LSAMP: variants seen among roughly 807,000 people sequenced by gnomAD.
The protein encoded by LSAMP is limbic system associated membrane protein, also known as limbic system-associated membrane protein.
LSAMP carries 7 observed loss-of-function variants against 38.6 expected under a neutral mutation model. The ratio of observed to expected loss-of-function variants is 0.18; its 90% CI spans 0.10 to 0.34. The LOEUF is 0.34. Among genes scored for constraint, LSAMP ranks in the 10% least tolerant of loss-of-function variants. The pLI is 1.00. For missense variants in LSAMP, 313 were observed against 420.0 expected (o/e 0.75, Z 2.23); for synonymous variants, 154 against 166.8 (o/e 0.92, Z 0.59).
chr3:115,920,663 C>T (rs1937361355), intron 3 of LSAMP, among the ~76,000 whole-genome samples: 1 of 152,036 alleles, frequency 6.6e-6, no homozygotes, highest in Non-Finnish European at 1.5e-5. Flanking sequence ...AATGTGTATT[C>T]TGTTGCTGTT....
At chr3:116,307,598 C>CA (rs2047500429) in intron 1 of LSAMP, among the ~76,000 whole-genome samples, 2 of 151,656 alleles carry the variant, frequency 1.3e-5, no homozygotes, top group African/African-American at 4.8e-5. Context: ...TCCTGATACA[C>CA]AAAAATAGTC....
At chr3:115,955,579 G>A (rs750023731) in intron 3 of LSAMP, among the ~76,000 whole-genome samples, 2 of 151,918 alleles carry the variant, frequency 1.3e-5, no homozygotes, top group African/African-American at 2.4e-5. Flanking sequence ...TAGGAGACAG[G>A]TATTTAAACA....
rs552288254 is a variant in LSAMP at position 116,249,149 on chromosome 3, A to AAG, written c.156-162594_156-162593insCT. 0.017 allele frequency among the ~76,000 whole-genome samples: 262 copies of AAG among 15,442 alleles called. 8 individuals are homozygous for AAG. In the East Asian group the frequency reaches 0.32, roughly 19 times the overall value. The allele number at this position is 15,442 out of a possible 152,430, so 10.1% of individuals were successfully genotyped here. A position where few individuals can be genotyped will look rare whatever the true frequency, so the allele number is the denominator to read the frequency against. ...GGGTGACAGAGCGAGACTCTGTCTCAAAAAAAAAAAAAAGGACTAAACTTA... is the reference window on the plus strand; with the variant it reads ...GGGTGACAGAGCGAGACTCTGTCTCAAGAAAAAAAAAAAAAGGACTAAACTTA... On this transcript the variant is annotated intron_variant, in intron 1 of 6. Transcript: ENST00000490035.
intron 2 of LSAMP, among the ~76,000 whole-genome samples, chr3:116,075,379 G>A (rs1351073456): frequency 1.3e-5 from 2 of 151,242 alleles, no homozygotes; most frequent in East Asian, 2.0e-4. Flanking sequence ...CTCGTGATCC[G>A]CCCGCCTCAG....
intron 1 of LSAMP, among the ~76,000 whole-genome samples, chr3:116,138,182 A>G (rs1277127953): frequency 6.6e-6 from 1 of 152,126 alleles, no homozygotes; most frequent in African/African-American, 2.4e-5. Flanking sequence ...AATTATTCCA[A>G]CAGGGCTTGC....
At chr3:116,359,102 T>G (rs1004127906) in intron 1 of LSAMP, among the ~76,000 whole-genome samples, 4 of 152,220 alleles carry the variant, frequency 2.6e-5, no homozygotes, top group African/African-American at 9.6e-5. Context: ...TAAAATATTA[T>G]GTTTAAAATT....
intron 1 of LSAMP, among the ~76,000 whole-genome samples, chr3:116,268,788 A>C (rs191733577): frequency 2.0e-5 from 3 of 152,176 alleles, no homozygotes; most frequent in Admixed American, 1.3e-4. Flanking sequence ...TCATTTAAAA[A>C]AATATTATTA....
At chr3:116,279,628 A>G (rs1053276766) in intron 1 of LSAMP, among the ~76,000 whole-genome samples, 6 of 152,328 alleles carry the variant, frequency 3.9e-5, no homozygotes, top group Admixed American at 3.9e-4. Context: ...CTTGGTTATT[A>G]TATTTTATTG....
intron 3 of LSAMP, among the ~76,000 whole-genome samples, chr3:115,855,824 A>G (rs1007621847): frequency 1.2e-4 from 18 of 152,110 alleles, no homozygotes; most frequent in African/African-American, 4.3e-4. Context: ...CAAGCCAGAA[A>G]CTGAATTTAA....
intron 1 of LSAMP, among the ~76,000 whole-genome samples, chr3:116,153,411 A>G (rs1407547333): frequency 6.6e-6 from 1 of 152,168 alleles, no homozygotes; most frequent in Non-Finnish European, 1.5e-5. Context: ...AAATTATGCC[A>G]CATGCTATGG....
At chr3:115,853,631 T>C (rs552647199) in intron 3 of LSAMP, among the ~76,000 whole-genome samples, 10 of 151,852 alleles carry the variant, frequency 6.6e-5, no homozygotes, top group African/African-American at 2.2e-4. Flanking sequence ...AAGAAGGTGA[T>C]TGAGGAAGGA....
chr3:116,103,464 C>CAAAAAAAAAA (rs59732794), intron 1 of LSAMP, among the ~76,000 whole-genome samples: 1 of 42,830 alleles, frequency 2.3e-5, no homozygotes, highest in Non-Finnish European at 5.2e-5. Context: ...GACTCCTTCT[C>CAAAAAAAAAA]AAAAAAAAAA....
chr3:116,046,503 ATC>A (rs1372188423), intron 2 of LSAMP, among the ~76,000 whole-genome samples: 1 of 152,234 alleles, frequency 6.6e-6, no homozygotes, highest in Non-Finnish European at 1.5e-5. Context: ...TCCCTCAGAC[ATC>A]TGTTAGCACA....
At chr3:116,409,222 T>C (rs1207915529) in intron 1 of LSAMP, among the ~76,000 whole-genome samples, 1 of 152,048 alleles carries the variant, frequency 6.6e-6, no homozygotes, top group Non-Finnish European at 1.5e-5. Context: ...TCAGGGATGA[T>C]GTAAGTCTGG....
At chr3:116,185,472 T>G (rs1710592073) in intron 1 of LSAMP, among the ~76,000 whole-genome samples, 1 of 152,076 alleles carries the variant, frequency 6.6e-6, no homozygotes. Context: ...ATTTGTATTC[T>G]TCCACACACA....
intron 1 of LSAMP, among the ~76,000 whole-genome samples, chr3:116,143,262 C>T (rs939308493): frequency 6.6e-6 from 1 of 151,622 alleles, no homozygotes; most frequent in Non-Finnish European, 1.5e-5. Context: ...ATCAGTTTTG[C>T]CATTTTTTTC....
chr3:115,818,753 T>TTA lies in LSAMP; in HGVS notation c.920-8341_920-8340dup, dbSNP rs200161366. ...AGAATTTATATATATATATAATAAATTATATATATATATAAGAAAGAAGGA... is the reference window on the plus strand; with the variant it reads ...AGAATTTATATATATATATAATAAATTATATATATATATATAAGAAAGAAGGA... On this transcript the variant is annotated intron_variant, in intron 6 of 6. Transcript: ENST00000490035. 1.8e-3 allele frequency among the ~76,000 whole-genome samples: 207 copies of TTA among 113,414 alleles called. 1 individual carries two copies. The highest frequency in any genetic ancestry group is 5.1e-3 in the Middle Eastern group (1 of 198). 74.4% of individuals were successfully genotyped at this position (113,414 alleles called of 152,430 possible).
intron 1 of LSAMP, among the ~76,000 whole-genome samples, chr3:116,274,732 A>G (rs1362279172): frequency 2.6e-5 from 4 of 151,342 alleles, no homozygotes; most frequent in African/African-American, 7.3e-5. Context: ...CTTTTTGGTT[A>G]AACCATTTTC....
intron 1 of LSAMP, among the ~76,000 whole-genome samples, chr3:116,247,377 A>G (rs986058046): frequency 2.0e-5 from 3 of 152,164 alleles, no homozygotes; most frequent in Admixed American, 1.3e-4. Flanking sequence ...ACGGTTTCTT[A>G]ATTTGTGAAT....
Sources: allele counts gnomAD v4.1 joint callset (sites outside exome capture counted in the v4.1 genomes callset), GRCh38; gene constraint gnomAD v4.1.1; transcripts MANE v1.5; gene names NCBI Gene and HGNC (gene_info 2026-07-23, HGNC 2026-07-21).